Variants in LRP12 observed in about 807,000 individuals in gnomAD.
LRP12 encodes low-density lipoprotein receptor-related protein 12.
A neutral mutation model predicts 66.0 loss-of-function variants in LRP12; 14 were observed. The ratio of observed to expected loss-of-function variants is 0.21; its 90% CI spans 0.14 to 0.33. The LOEUF (loss-of-function observed/expected upper bound fraction) is 0.33. Among genes scored for constraint, LRP12 ranks in the 10% least tolerant of loss-of-function variants. LRP12 has a pLI of 1.00. For synonymous variants in LRP12, 357 were observed against 359.1 expected (o/e 0.99, Z 0.07); for missense variants, 889 against 1,053.4 (o/e 0.84, Z 2.16).
chr8:104,588,708 T>TA (rs1443571499), intron 1 of LRP12, 111 bp downstream of exon 1: 1 of 817,182 alleles, frequency 1.2e-6, no homozygotes, highest in Non-Finnish European at 1.9e-6. Flanking sequence ...GTCCCGCCGG[T>TA]AGCCAGGGTC....
intron 2 of LRP12, among the ~76,000 whole-genome samples, chr8:104,524,573 A>C (rs940379852): frequency 2.6e-5 from 4 of 152,190 alleles, no homozygotes; most frequent in Admixed American, 2.0e-4. Context: ...ATGAAGGCTA[A>C]GGGAAAAATG....
chr8:104,556,756 T>A (rs1811815636), intron 1 of LRP12, among the ~76,000 whole-genome samples: 1 of 152,116 alleles, frequency 6.6e-6, no homozygotes, highest in Non-Finnish European at 1.5e-5. Context: ...CTTCCCTACA[T>A]CATTCTATGA....
intron 2 of LRP12, among the ~76,000 whole-genome samples, chr8:104,513,477 A>G (rs1394220069): frequency 6.6e-6 from 1 of 151,750 alleles, no homozygotes; most frequent in Non-Finnish European, 1.5e-5. Context: ...CTTCCTTTGC[A>G]TTTTTTCTCT....
intron 2 of LRP12, among the ~76,000 whole-genome samples, chr8:104,514,980 G>C (rs990606143): frequency 1.2e-4 from 19 of 152,138 alleles, no homozygotes; most frequent in African/African-American, 4.6e-4. Flanking sequence ...ATGTGTGATT[G>C]TTTACTTTGT....
At chr8:104,574,603 A>T (rs1336392276) in intron 1 of LRP12, among the ~76,000 whole-genome samples, 1 of 152,156 alleles carries the variant, frequency 6.6e-6, no homozygotes. Context: ...CAGCTTTAAT[A>T]GACACTGTTT....
chr8:104,583,229 A>G (rs957874725), intron 1 of LRP12, among the ~76,000 whole-genome samples: 1 of 152,084 alleles, frequency 6.6e-6, no homozygotes, highest in Non-Finnish European at 1.5e-5. Flanking sequence ...TTAAAATAAA[A>G]CCCAAACTCT....
intron 1 of LRP12, among the ~76,000 whole-genome samples, chr8:104,572,715 T>C (rs147662442): frequency 1.3e-5 from 2 of 152,174 alleles, no homozygotes; most frequent in East Asian, 3.9e-4. Context: ...GGTAAAATAA[T>C]GTTCTAGAAC....
intron 1 of LRP12, among the ~76,000 whole-genome samples, chr8:104,555,633 C>T (rs1001744311): frequency 6.6e-6 from 1 of 152,038 alleles, no homozygotes; most frequent in Non-Finnish European, 1.5e-5. Flanking sequence ...TATATATGCA[C>T]CTAACACTGG....
chr8:104,498,841 A>C (rs149429670), intron 4 of LRP12, among the ~76,000 whole-genome samples: 2 of 152,220 alleles, frequency 1.3e-5, no homozygotes, highest in African/African-American at 4.8e-5. Flanking sequence ...AGAGAGGACT[A>C]ATTCTGAATT....
chr8:104,537,475 A>G (rs578060555), intron 1 of LRP12, among the ~76,000 whole-genome samples: 1 of 152,248 alleles, frequency 6.6e-6, no homozygotes, highest in African/African-American at 2.4e-5. Context: ...GGAAGACGCT[A>G]AAGTTCTGAC....
chr8:104,491,582 T>C (rs773512872), intron 6 of LRP12, 43 bp from the exon 7 acceptor site: 14 of 1,182,272 alleles, frequency 1.2e-5, no homozygotes, highest in Non-Finnish European at 1.6e-5. Flanking sequence ...AACAACAAGG[T>C]ACTAAGATAA....
rs754741823 is a variant in LRP12, at chr8:104,490,919, T to C, written c.2334A>G (p.Pro778=). The C allele has an allele frequency of 1.9e-6, 3 of 1,614,106 alleles. 1 individual carries two copies. In the South Asian group the frequency reaches 3.3e-5, roughly 18 times the overall value. The change falls in exon 7 of 7, where the codon CCA becomes CCG. Residue 778 remains proline, a synonymous_variant. Transcript: ENST00000276654. ...CAAAGTCTGAAGATCCATCAGAAAT[T>C]GGAATTAGCATTTCAACATCATCAT... ...EDDDDVEMLI[P]ISDGSSDFDV...
At chr8:104,557,218 C>T (rs1420331958) in intron 1 of LRP12, among the ~76,000 whole-genome samples, 2 of 152,130 alleles carry the variant, frequency 1.3e-5, no homozygotes, top group Non-Finnish European at 2.9e-5. Flanking sequence ...CGCACTTTGA[C>T]TACTTCTATT....
chr8:104,518,712 C>G (rs1811106788), intron 2 of LRP12, among the ~76,000 whole-genome samples: 1 of 151,976 alleles, frequency 6.6e-6, no homozygotes, highest in Non-Finnish European at 1.5e-5. Context: ...TTCTTAGTAT[C>G]TTTGGTATTA....
chr8:104,582,953 C>G (rs1812276515), intron 1 of LRP12, among the ~76,000 whole-genome samples: 1 of 152,090 alleles, frequency 6.6e-6, no homozygotes, highest in African/African-American at 2.4e-5. Context: ...ACCTACAGAC[C>G]TAAGTACACT....
At chr8:104,587,143 G>T (rs1812345852) in intron 1 of LRP12, among the ~76,000 whole-genome samples, 1 of 152,186 alleles carries the variant, frequency 6.6e-6, no homozygotes, top group African/African-American at 2.4e-5. Flanking sequence ...AGGTTTTAAT[G>T]AAAGAAGAGC....
At chr8:104,571,474 G>C (rs191912829) in intron 1 of LRP12, among the ~76,000 whole-genome samples, 1 of 152,128 alleles carries the variant, frequency 6.6e-6, no homozygotes, top group Non-Finnish European at 1.5e-5. Context: ...TGATGTTCTC[G>C]TAATTGTGAG....
At chr8:104,588,680 A>C (rs1044556406) in intron 1 of LRP12, 139 bp downstream of exon 1, 1 of 604,072 alleles carries the variant, frequency 1.7e-6, no homozygotes, top group Non-Finnish European at 2.9e-6. Context: ...CGCCACATCC[A>C]CCCCCTCACC....
At position 104,579,906 on chromosome 8, in the gene LRP12, T is replaced by C. The variant is rs188258155; in HGVS notation, c.79+8913A>G. On this transcript the variant is annotated intron_variant, in intron 1 of 6. Coordinates refer to ENST00000276654, the MANE Select transcript of LRP12 (RefSeq NM_013437.5). The stretch of plus-strand genomic sequence containing the variant: ...AGAGGACTGAAACTGGACCCCTCCT[T>C]ACACCATATACAAAAATTAACTCAA... 6.1e-3 allele frequency among the ~76,000 whole-genome samples: 927 copies of C among 152,248 alleles called. 10 individuals carry two copies. Among genetic ancestry groups the C allele is most frequent in the Admixed American group, 0.012 (191 of 15,290 alleles).
Sources: allele counts gnomAD v4.1 joint callset (sites outside exome capture counted in the v4.1 genomes callset), GRCh38; gene constraint gnomAD v4.1.1; transcripts MANE v1.5; gene names NCBI Gene and HGNC (gene_info 2026-07-23, HGNC 2026-07-21).